Variants in ZSCAN31 observed in about 807,000 individuals in gnomAD.
The protein encoded by ZSCAN31 is zinc finger and SCAN domain containing 31, also known as zinc finger and SCAN domain-containing protein 31.
In ZSCAN31, 14 loss-of-function variants were observed where a neutral mutation model predicts 22.5. The observed-to-expected ratio is 0.62, with a 90% CI of 0.41 to 0.97. The LOEUF is 0.97. Ranked by LOEUF, ZSCAN31 falls within the 50% of genes least tolerant of loss-of-function variation. The pLI, the probability that ZSCAN31 is intolerant of heterozygous loss-of-function variation, is 0.00. For missense variants in ZSCAN31, 424 were observed against 483.4 expected (o/e 0.88, Z 1.15); for synonymous variants, 168 against 169.8 (o/e 0.99, Z 0.08).
At chr6:28,352,519 G>A (rs1765104083) in intron 2 of ZSCAN31, among the ~76,000 whole-genome samples, 1 of 152,140 alleles carries the variant, frequency 6.6e-6, no homozygotes, top group Non-Finnish European at 1.5e-5. Context: ...AAAGTGCTGG[G>A]ATTACAGGTG....
At chr6:28,327,914 C>G (rs2113789808) in intron 2 of ZSCAN31, among the ~76,000 whole-genome samples, 1 of 152,172 alleles carries the variant, frequency 6.6e-6, no homozygotes, top group East Asian at 1.9e-4. Context: ...TAAGCGTCAG[C>G]CAGCTTGAGA....
rs35653896 is a variant in ZSCAN31 at position 28,349,170 on chromosome 6, T to C, written c.-371+4692A>G. On this transcript the variant is annotated intron_variant, in intron 2 of 7. Transcript: ENST00000396838. This position sits in a 1 kb window ranked among gnomAD's most constrained non-coding sequence, Gnocchi z 4.1. ...TAGGTGTATATATATGTCTCATATA[T>C]ATAGGTGTATATATATGTCTCATAT... is the stretch of plus-strand genomic sequence containing the variant. 1.7e-3 allele frequency among the ~76,000 whole-genome samples: 77 copies of C among 45,790 alleles called. No individual in the cohort carries two copies. The African/African-American group carries it at 0.037, about 22-fold the overall frequency. 30.0% of individuals were successfully genotyped at this position (45,790 alleles called of 152,430 possible).
chr6:28,349,915 G>C lies in ZSCAN31; in HGVS notation c.-371+3947C>G, dbSNP rs1764853839. 1 of 152,240 alleles carries C rather than the reference G, an allele frequency of 6.6e-6. No individual in the cohort carries two copies. The highest frequency in any genetic ancestry group is 6.5e-5 in the Admixed American group (1 of 15,290). The allele number at this position is 152,240 out of a possible 1,614,324, so 9.4% of individuals were successfully genotyped here. A position where few individuals can be genotyped will look rare whatever the true frequency, so the allele number is the denominator to read the frequency against. On this transcript the variant is annotated intron_variant, in intron 2 of 7. Coordinates refer to the ZSCAN31 transcript ENST00000396838. The surrounding 1 kb of genome is among the most constrained non-coding windows in gnomAD (Gnocchi z 4.1). ...GGGAGGTGGCTAGAGAGGCCCGGAAGTGGCTTCTGTGCCCCGCCCTGCGGG... is the reference window on the plus strand; with the variant it reads ...GGGAGGTGGCTAGAGAGGCCCGGAACTGGCTTCTGTGCCCCGCCCTGCGGG...
Position 28,349,181 on chromosome 6 carries a change from ATATATG to A in ZSCAN31, c.-371+4675_-371+4680del. 1.7e-5 allele frequency among the ~76,000 whole-genome samples: 1 copy of A among 57,232 alleles called. No individual in the cohort carries two copies. Among genetic ancestry groups the A allele is most frequent in the Non-Finnish European group, 2.9e-5 (1 of 35,018 alleles). The allele number at this position is 57,232 out of a possible 152,430, so 37.5% of individuals were successfully genotyped here. On this transcript the variant is annotated intron_variant, in intron 2 of 7. Coordinates refer to the ZSCAN31 transcript ENST00000396838. The surrounding 1 kb of genome is among the most constrained non-coding windows in gnomAD (Gnocchi z 4.1). The stretch of plus-strand genomic sequence containing the variant: ...ATATGTCTCATATATATAGGTGTAT[ATATATG>A]TCTCATATATATAGGTGTATATATA...
At chr6:28,348,341 G>GA (rs1435106661) in intron 2 of ZSCAN31, among the ~76,000 whole-genome samples, 5 of 152,050 alleles carry the variant, frequency 3.3e-5, no homozygotes, top group African/African-American at 9.7e-5. Flanking sequence ...CTTGTGAATA[G>GA]AAAAAAGAGC....
rs1402801348 is a variant in ZSCAN31, at chr6:28,331,551, A to G, written c.-95-1773T>C. Among the ~76,000 whole-genome samples, 1 of 152,240 alleles carries G rather than the reference A, an allele frequency of 6.6e-6. No homozygotes were observed. Among genetic ancestry groups the G allele is most frequent in the African/African-American group, 2.4e-5 (1 of 41,460 alleles). Reference sequence around the variant, plus strand: ...CAGAATTGAGAATTTGAAGAGTTACAAAGATCATGGCATTTATTCTTTGTC... The same window carrying G: ...CAGAATTGAGAATTTGAAGAGTTACGAAGATCATGGCATTTATTCTTTGTC... On this transcript the variant is annotated intron_variant, in intron 1 of 3. Transcript: ENST00000344279. The surrounding 1 kb of genome is among the most constrained non-coding windows in gnomAD (Gnocchi z 4.8).
rs1345365813 is a variant in ZSCAN31 at position 28,347,961 on chromosome 6, T to C, written c.-371+5901A>G. Among the ~76,000 whole-genome samples the C allele has an allele frequency of 1.3e-5, 2 of 152,242 alleles. No individual in the cohort carries two copies. The highest frequency in any genetic ancestry group is 4.8e-5 in the African/African-American group (2 of 41,462). On this transcript the variant is annotated intron_variant, in intron 2 of 7. Coordinates refer to the ZSCAN31 transcript ENST00000396838. The surrounding 1 kb of genome is among the most constrained non-coding windows in gnomAD (Gnocchi z 5.2). ...TGATTTAAAATTTGCCTTTATTTAATTGCTAATGATTAACTGTATATGCTA... is the reference window on the plus strand; with the variant it reads ...TGATTTAAAATTTGCCTTTATTTAACTGCTAATGATTAACTGTATATGCTA...
At chr6:28,327,564 A>T (rs367601438) in intron 2 of ZSCAN31, 31 bp from the exon 3 acceptor site, 57 of 1,606,770 alleles carry the variant, frequency 3.5e-5, no homozygotes, top group Non-Finnish European at 4.7e-5. Flanking sequence ...TTGGTTAAAG[A>T]GGGGGATTAT....
intron 2 of ZSCAN31, among the ~76,000 whole-genome samples, chr6:28,352,137 T>C (rs1301662099): frequency 1.3e-5 from 2 of 152,220 alleles, no homozygotes; most frequent in East Asian, 3.8e-4. Flanking sequence ...CATTTATTTG[T>C]TGAGGAACTT....
At chr6:28,353,351 C>A (rs962421225) in intron 2 of ZSCAN31, 3 of 154,026 alleles carry the variant, frequency 1.9e-5, no homozygotes, top group Non-Finnish European at 4.3e-5. Context: ...ATTTTGCAGT[C>A]ACTCACTTCT....
chr6:28,346,140 G>T (rs1284097178), intron 2 of ZSCAN31, among the ~76,000 whole-genome samples: 4 of 152,058 alleles, frequency 2.6e-5, no homozygotes, highest in Admixed American at 2.0e-4. Flanking sequence ...TGGAAAGGTA[G>T]GGCTGCCACA....
upstream of ZSCAN31, chr6:28,356,251 G>A (rs1274222810): frequency 3.3e-5 from 5 of 152,350 alleles, no homozygotes; most frequent in South Asian, 2.1e-4. Context: ...ACGCTCCGGC[G>A]GGACCTAGTT....
chr6:28,337,034 G>C (rs114230898), upstream of ZSCAN31: 1 of 152,216 alleles, frequency 6.6e-6, no homozygotes, highest in Non-Finnish European at 1.5e-5. Flanking sequence ...AAATCGATGA[G>C]AATAGCCTCT....
chr6:28,326,187 G>T lies in ZSCAN31; in HGVS notation c.1200C>A (p.Ile400=). 1 of 1,610,748 alleles carries T rather than the reference G, an allele frequency of 6.2e-7. No homozygotes were observed. Among genetic ancestry groups the T allele is most frequent in the South Asian group, 1.1e-5 (1 of 91,006 alleles). Residue 400 remains isoleucine (I), a synonymous_variant, in exon 4 of 4, where the codon ATC becomes ATA. Transcript: ENST00000344279. The part of the protein sequence containing the change: ...KRTLLKKHQK[I]HTGERP Reference sequence around the variant, plus strand: ...ACCCTTATGGTCTCTCTCCAGTGTGGATTTTCTGATGTTTCTTAAGAAGTG... The same window carrying T: ...ACCCTTATGGTCTCTCTCCAGTGTGTATTTTCTGATGTTTCTTAAGAAGTG...
At chr6:28,337,717 C>CT (rs1448620911), upstream of ZSCAN31, 1 of 151,986 alleles carries the variant, frequency 6.6e-6, no homozygotes, top group Non-Finnish European at 1.5e-5. Flanking sequence ...TTCAAGAGAC[C>CT]TTATTTGAGA....
chr6:28,326,778 A>T lies in ZSCAN31; in HGVS notation c.609T>A (p.Asp203Glu), dbSNP rs150336868. ...EILKEMEHLG[D>E]SKLQRDVSLD... ...AAGATACATCTCTTTGGAGTTTGCT[A>T]TCCCCCAAATGTTCCATTTCTTTTA... The change falls in exon 4 of 4, where the codon GAT (aspartate) becomes GAA (glutamate). Residue 203 changes from aspartate (D) to glutamate (E), a missense_variant. Physicochemically the swap from Asp to Glu is conservative, Grantham distance 45. Transcript: ENST00000344279. 1.4e-5 allele frequency: 22 copies of T among 1,613,662 alleles called. No homozygotes were observed. Among genetic ancestry groups the T allele is most frequent in the Non-Finnish European group, 1.7e-5 (20 of 1,180,028 alleles).
Position 28,347,774 on chromosome 6 carries a change from G to T in ZSCAN31, c.-370-5982C>A, listed in dbSNP as rs1764703025. On this transcript the variant is annotated intron_variant, in intron 2 of 7. Transcript: ENST00000396838. This position sits in a 1 kb window ranked among gnomAD's most constrained non-coding sequence, Gnocchi z 5.2. Reference sequence around the variant, plus strand: ...CTTTGAAGCTGCTGGGCCAATGTGTGTATCATTTTCAGGTTTACCATATAT... The same window carrying T: ...CTTTGAAGCTGCTGGGCCAATGTGTTTATCATTTTCAGGTTTACCATATAT... 1.3e-5 allele frequency among the ~76,000 whole-genome samples: 2 copies of T among 151,994 alleles called. No homozygotes were observed. Among genetic ancestry groups the T allele is most frequent in the African/African-American group, 4.8e-5 (2 of 41,344 alleles).
intron 2 of ZSCAN31, chr6:28,350,334 A>T (rs1359679147): frequency 6.6e-6 from 1 of 152,272 alleles, no homozygotes; most frequent in Non-Finnish European, 1.5e-5. Flanking sequence ...CATGGGTCAC[A>T]TAGACAAGCC....
chr6:28,327,598 G>A, intron 2 of ZSCAN31, 65 bp from the exon 3 acceptor site: 2 of 1,509,410 alleles, frequency 1.3e-6, no homozygotes, highest in South Asian at 1.2e-5. Flanking sequence ...AATACTAAAT[G>A]AAAGATATCA....
Sources: gnomAD v4.1 joint callset for allele counts (sites outside exome capture counted in the v4.1 genomes callset) on GRCh38, gnomAD v4.1.1 for gene constraint, Gnocchi (gnomAD v3.1) non-coding constraint, MANE v1.5 for transcripts, NCBI Gene and HGNC (gene_info 2026-07-23, HGNC 2026-07-21) for gene names.